Variants in LRP4 observed in about 807,000 individuals in gnomAD.
LRP4 encodes low-density lipoprotein receptor-related protein 4.
In LRP4, 95 loss-of-function variants were observed where a neutral mutation model predicts 220.3. The ratio of observed to expected loss-of-function variants is 0.43; its 90% CI spans 0.37 to 0.51. LRP4 has a LOEUF of 0.51. LRP4 is among the 20% of genes least tolerant of loss of function. LRP4 has a pLI of 0.00. For missense variants in LRP4, 1,925 were observed against 2,567.0 expected, an observed-to-expected ratio of 0.75 and a Z score of 5.40; for synonymous variants, 903 against 954.6, an observed-to-expected ratio of 0.95 and a Z score of 1.00.
chr11:46,890,094 C>T lies in LRP4; in HGVS notation c.1942G>A (p.Val648Met), dbSNP rs1387910680. Residue 648 changes from valine (V) to methionine (M), a missense_variant, in exon 15 of 38, where the codon GTG becomes ATG. This residue lies in a region of LRP4 where 269 missense variants were observed against 436.7 expected (regional missense o/e 0.62). Coordinates refer to ENST00000378623, the MANE Select transcript of LRP4 (RefSeq NM_002334.4). This position sits in a 1 kb window ranked among gnomAD's most constrained non-coding sequence, Gnocchi z 5.3. ...GTCCAGTACAGGCTGTCTTCAAACACTGTGATGGCGAAGGGATGCGGGAGG... is the reference window on the plus strand; with the variant it reads ...GTCCAGTACAGGCTGTCTTCAAACATTGTGATGGCGAAGGGATGCGGGAGG... ...QGLPHPFAIT[V>M]FEDSLYWTDW... The T allele has an allele frequency of 5.0e-6, 8 of 1,614,096 alleles. No individual in the cohort carries two copies. Among genetic ancestry groups the T allele is most frequent in the Admixed American group, 1.7e-5 (1 of 60,004 alleles).
chr11:46,900,010 A>ACCAGACCCCCACTGCCT, intron 3 of LRP4, 34 bp from the exon 4 acceptor site: 1 of 1,541,090 alleles, frequency 6.5e-7, no homozygotes, highest in Non-Finnish European at 9.0e-7. Context: ...TGCTGCAGGC[A>ACCAGACCCCCACTGCCT]GTGGGGGTCT....
chr11:46,872,960 A>G, intron 30 of LRP4, 140 bp downstream of exon 30: 1 of 1,225,284 alleles, frequency 8.2e-7, no homozygotes, highest in South Asian at 1.2e-5. Context: ...CTAAGAATAT[A>G]TTCCCTTATC....
In LRP4 at chr11:46,890,249, ATGAAGGAGAC is replaced by A. The variant is rs1941392339; in HGVS notation, c.1915+18_1915+27del. 5.6e-6 allele frequency: 9 copies of A among 1,612,226 alleles called. No individual in the cohort carries two copies. In the East Asian group the frequency reaches 1.8e-4, roughly 32 times the overall value. The stretch of plus-strand genomic sequence containing the variant: ...AGGGACGGGGGCAGGAGGACAAGAG[ATGAAGGAGAC>A]TGAAGGAAGGGGCTCACCCTGGCTA... On this transcript the variant is annotated intron_variant, in intron 14 of 37. Transcript: ENST00000378623. This position sits in a 1 kb window ranked among gnomAD's most constrained non-coding sequence, Gnocchi z 5.3.
At chr11:46,862,568 C>T (rs759787244) in intron 37 of LRP4, 38 bp downstream of exon 37, 37 of 1,612,328 alleles carry the variant, frequency 2.3e-5, no homozygotes, top group East Asian at 2.2e-4. Context: ...CCCCACACCT[C>T]GCCAAAAAGA....
intron 32 of LRP4, 33 bp from the exon 33 acceptor site, chr11:46,868,746 G>C: frequency 1.3e-6 from 2 of 1,482,752 alleles, no homozygotes; most frequent in Non-Finnish European, 1.9e-6. Flanking sequence ...TCTTATCTGG[G>C]ACAGAATCAG....
intron 1 of LRP4, among the ~76,000 whole-genome samples, chr11:46,911,065 T>C (rs1473896883): frequency 6.6e-6 from 1 of 152,170 alleles, no homozygotes; most frequent in Non-Finnish European, 1.5e-5. Context: ...AATTAAGAAA[T>C]GGATTAGCTT....
At chr11:46,872,152 AGG>A (rs1940882204) in intron 30 of LRP4, among the ~76,000 whole-genome samples, 1 of 152,126 alleles carries the variant, frequency 6.6e-6, no homozygotes, top group Non-Finnish European at 1.5e-5. Flanking sequence ...GCTACTTGGG[AGG>A]CTGCGGCACG....
intron 20 of LRP4, 127 bp from the exon 21 acceptor site, chr11:46,879,442 G>T: frequency 1.2e-6 from 1 of 864,832 alleles, no homozygotes; most frequent in Non-Finnish European, 1.9e-6. Context: ...TCCAGTAAGA[G>T]CTACTTATAA....
chr11:46,896,964 C>G lies in LRP4; in HGVS notation c.827G>C (p.Arg276Pro). The change falls in exon 8 of 38, where the codon CGC (arginine) becomes CCC (proline). Residue 276 changes from arginine to proline, a missense_variant. Around this residue, in one of 3 missense-constraint regions of LRP4, gnomAD observed 412 missense variants for 505.4 expected, o/e 0.82. Transcript: ENST00000378623. ...GCGGACACAGCGGCCTGAGTGACAG[C>G]GGAACTGTTCTGCCGTACACATGGA... The part of the protein sequence containing the change: ...TTSMCTAEQF[R>P]CHSGRCVRLS... The G allele has an allele frequency of 1.2e-6, 2 of 1,614,202 alleles. No homozygotes were observed.
intron 1 of LRP4, among the ~76,000 whole-genome samples, chr11:46,913,685 C>T (rs896724601): frequency 6.6e-6 from 1 of 152,136 alleles, no homozygotes; most frequent in African/African-American, 2.4e-5. Context: ...CCTCTCACCC[C>T]ATGTCACAGG....
intron 13 of LRP4, among the ~76,000 whole-genome samples, chr11:46,891,274 C>T (rs1454876204): frequency 1.3e-5 from 2 of 151,928 alleles, no homozygotes; most frequent in Admixed American, 1.3e-4. Context: ...CCACCATGCC[C>T]AGCTAATTTT....
At chr11:46,888,795 C>T (rs572979300) in intron 16 of LRP4, among the ~76,000 whole-genome samples, 14 of 152,220 alleles carry the variant, frequency 9.2e-5, no homozygotes, top group Non-Finnish European at 1.5e-4. Flanking sequence ...GCTGGTCGTG[C>T]CATATGCCCG....
In LRP4 at chr11:46,897,026, G is replaced by A. The variant is rs879720; in HGVS notation, c.797-32C>T. 9.6e-3 allele frequency: 15,464 copies of A among 1,613,618 alleles called. 1,286 individuals are homozygous for A. In the African/African-American group the frequency reaches 0.18, roughly 19 times the overall value. The stretch of plus-strand genomic sequence containing the variant: ...AAAGCAAAGGCTTAATGAAAGGTGG[G>A]CCCCATTTCAGCCTGAAATTCTCCC... On this transcript the variant is annotated intron_variant, in intron 7 of 37. Coordinates refer to ENST00000378623, the MANE Select transcript of LRP4 (RefSeq NM_002334.4).
chr11:46,868,853 A>T, intron 32 of LRP4, 135 bp downstream of exon 32: 1 of 1,365,118 alleles, frequency 7.3e-7, no homozygotes, highest in Non-Finnish European at 1.0e-6. Context: ...CGAGGGAGTA[A>T]AAAGTTCTAA....
intron 1 of LRP4, among the ~76,000 whole-genome samples, chr11:46,911,908 T>C (rs1941866415): frequency 6.8e-6 from 1 of 146,412 alleles, no homozygotes; most frequent in South Asian, 2.1e-4. Flanking sequence ...AGTGGCACAG[T>C]CTTGGCTCGC....
At chr11:46,909,399 G>A (rs1465016677) in intron 1 of LRP4, among the ~76,000 whole-genome samples, 2 of 129,624 alleles carry the variant, frequency 1.5e-5, no homozygotes, top group Non-Finnish European at 3.2e-5. Context: ...GAGGTCAGGA[G>A]ATCGAGACCA....
chr11:46,906,737 C>T (rs1941766621), intron 1 of LRP4, among the ~76,000 whole-genome samples: 1 of 151,984 alleles, frequency 6.6e-6, no homozygotes, highest in Admixed American at 6.6e-5. Context: ...TTTTTAGGGC[C>T]CCACCCCCGC....
chr11:46,862,783 T>C, intron 36 of LRP4, 36 bp from the exon 37 acceptor site: 1 of 1,603,170 alleles, frequency 6.2e-7, no homozygotes. Flanking sequence ...TTAGTCGAGA[T>C]CTTTAAGGGG....
Position 46,879,265 on chromosome 11 carries a change from T to C in LRP4, c.2865A>G (p.Gly955=). The change falls in exon 21 of 38, where the codon GGA becomes GGG. Residue 955 remains glycine, a synonymous_variant. Coordinates refer to ENST00000378623, the MANE Select transcript of LRP4 (RefSeq NM_002334.4). ...LPHPFGLTLY[G]ERIYWTDWQT... Reference sequence around the variant, plus strand: ...GCCAGTCAGTCCAATAGATGCGCTCTCCATAGAGGGTCAGCCCAAATGGGT... The same window carrying C: ...GCCAGTCAGTCCAATAGATGCGCTCCCCATAGAGGGTCAGCCCAAATGGGT... 1 of 1,614,222 alleles carries C rather than the reference T, an allele frequency of 6.2e-7. No homozygotes were observed. Among genetic ancestry groups the C allele is most frequent in the Non-Finnish European group, 8.5e-7 (1 of 1,180,048 alleles).
Sources: gnomAD v4.1 joint callset for allele counts (sites outside exome capture counted in the v4.1 genomes callset) on GRCh38, gnomAD v4.1.1 for gene constraint, gnomAD v4.1.1 regional missense constraint, Gnocchi (gnomAD v3.1) non-coding constraint, MANE v1.5 for transcripts, NCBI Gene and HGNC (gene_info 2026-07-23, HGNC 2026-07-21) for gene names.